The following GPC6 variants were observed in gnomAD, a reference collection of about 807,000 sequenced individuals.
GPC6 encodes the protein glypican-6.
Under a neutral mutation model 55.2 loss-of-function variants are expected in GPC6, and 14 were observed. The ratio of observed to expected loss-of-function variants is 0.25; its 90% CI spans 0.17 to 0.40. The LOEUF (loss-of-function observed/expected upper bound fraction) is 0.40, where lower values mean the gene tolerates loss of function less well. Among genes scored for constraint, GPC6 ranks in the 10% least tolerant of loss-of-function variants. The pLI is 1.00. For missense variants in GPC6, 641 were observed against 708.5 expected (o/e 0.90, Z 1.08); for synonymous variants, 278 against 259.6 (o/e 1.07, Z -0.68).
At chr13:94,064,755 A>G (rs1055042672) in intron 4 of GPC6, among the ~76,000 whole-genome samples, 11 of 152,130 alleles carry the variant, frequency 7.2e-5, no homozygotes, top group African/African-American at 2.2e-4. Flanking sequence ...CAGCATATGC[A>G]TCTTGCAAGA....
intron 4 of GPC6, among the ~76,000 whole-genome samples, chr13:94,058,450 G>T (rs1884208060): frequency 6.6e-6 from 1 of 152,096 alleles, no homozygotes; most frequent in Admixed American, 6.6e-5. Context: ...AGCTAATTTG[G>T]CTGTTAAGCA....
chr13:93,676,744 G>C (rs1881648583), intron 2 of GPC6, among the ~76,000 whole-genome samples: 1 of 152,156 alleles, frequency 6.6e-6, no homozygotes, highest in Non-Finnish European at 1.5e-5. Context: ...CCTGCTCTCT[G>C]AATTTGGCTC....
chr13:93,825,459 G>A (rs755990942), intron 2 of GPC6, among the ~76,000 whole-genome samples: 9 of 152,172 alleles, frequency 5.9e-5, no homozygotes, highest in Non-Finnish European at 8.8e-5. Flanking sequence ...CAGACGTCCT[G>A]AGCAATGTCC....
chr13:93,877,269 A>G (rs1874646039), intron 3 of GPC6, among the ~76,000 whole-genome samples: 1 of 152,012 alleles, frequency 6.6e-6, no homozygotes, highest in Non-Finnish European at 1.5e-5. Flanking sequence ...CCCTTATAAC[A>G]TGATCTGATG....
intron 3 of GPC6, among the ~76,000 whole-genome samples, chr13:93,872,210 A>G (rs17174735): frequency 0.035 from 5,262 of 152,024 alleles, 269 homozygotes; most frequent in East Asian, 0.17. Flanking sequence ...TGATAACAGA[A>G]TGCCATTTGG....
chr13:93,824,123 T>G (rs1383794443), intron 2 of GPC6, among the ~76,000 whole-genome samples: 1 of 152,178 alleles, frequency 6.6e-6, no homozygotes, highest in Non-Finnish European at 1.5e-5. Context: ...AAAATGCAAG[T>G]GATGTTTAAG....
intron 2 of GPC6, among the ~76,000 whole-genome samples, chr13:93,804,071 G>GTA (rs1298854705): frequency 6.6e-6 from 1 of 152,072 alleles, no homozygotes; most frequent in African/African-American, 2.4e-5. Flanking sequence ...TGGATGAATT[G>GTA]TATGGAAGTA....
chr13:93,713,375 A>G (rs1883138965), intron 2 of GPC6, among the ~76,000 whole-genome samples: 1 of 151,698 alleles, frequency 6.6e-6, no homozygotes, highest in Non-Finnish European at 1.5e-5. Flanking sequence ...GTTCTTTTAA[A>G]AAGCCAATAA....
At chr13:94,374,537 A>G (rs1879744723) in intron 6 of GPC6, among the ~76,000 whole-genome samples, 1 of 139,706 alleles carries the variant, frequency 7.2e-6, no homozygotes. Context: ...TGCACCCAAT[A>G]CAGGAGCACC....
At chr13:93,954,641 CAG>C (rs1879414397) in intron 3 of GPC6, among the ~76,000 whole-genome samples, 1 of 152,172 alleles carries the variant, frequency 6.6e-6, no homozygotes, top group South Asian at 2.1e-4. Flanking sequence ...ATAGAGCACA[CAG>C]AGAAGCATGT....
chr13:93,251,690 A>G (rs1488719878), intron 1 of GPC6, among the ~76,000 whole-genome samples: 1 of 152,078 alleles, frequency 6.6e-6, no homozygotes, highest in Non-Finnish European at 1.5e-5. Context: ...CCTTTTCCCC[A>G]TTCCTTCATG....
At chr13:93,456,923 C>T (rs1370232474) in intron 1 of GPC6, among the ~76,000 whole-genome samples, 2 of 152,110 alleles carry the variant, frequency 1.3e-5, no homozygotes, top group Non-Finnish European at 2.9e-5. Flanking sequence ...AGGGTGGGAT[C>T]AGGTGGAAAT....
At chr13:94,209,358 G>T (rs1010509619) in intron 4 of GPC6, among the ~76,000 whole-genome samples, 2 of 152,146 alleles carry the variant, frequency 1.3e-5, no homozygotes. Context: ...GCTATTTGTG[G>T]AAGAGCTTAT....
At chr13:93,424,385 T>G (rs1253828341) in intron 1 of GPC6, among the ~76,000 whole-genome samples, 2 of 152,104 alleles carry the variant, frequency 1.3e-5, no homozygotes, top group African/African-American at 4.8e-5. Flanking sequence ...TAAGGTTGGA[T>G]CCCGGAGAGA....
At chr13:93,314,712 GGTGTGT>G (rs370613459) in intron 1 of GPC6, among the ~76,000 whole-genome samples, 18,496 of 147,578 alleles carry the variant, frequency 0.13, 1,284 homozygotes, top group East Asian at 0.24. Flanking sequence ...AACAAGGAGG[GGTGTGT>G]GTGTGTGTGT....
At chr13:93,684,403 G>C (rs2138770602) in intron 2 of GPC6, among the ~76,000 whole-genome samples, 1 of 152,238 alleles carries the variant, frequency 6.6e-6, no homozygotes, top group Non-Finnish European at 1.5e-5. Context: ...GGCCAGGCTG[G>C]CCTCGAACTC....
At chr13:93,650,698 T>C in intron 2 of GPC6, among the ~76,000 whole-genome samples, 1 of 152,178 alleles carries the variant, frequency 6.6e-6, no homozygotes, top group East Asian at 1.9e-4. Flanking sequence ...AAAGGCCACA[T>C]AAGCTTATTG....
chr13:93,711,434 C>A (rs372748600), intron 2 of GPC6, among the ~76,000 whole-genome samples: 20 of 151,866 alleles, frequency 1.3e-4, no homozygotes, highest in Non-Finnish European at 2.8e-4. Context: ...CCCTCCCTCA[C>A]AGGACACGTG....
chr13:94,328,411 G>A (rs1319163092), intron 6 of GPC6, among the ~76,000 whole-genome samples: 1 of 152,214 alleles, frequency 6.6e-6, no homozygotes, highest in Non-Finnish European at 1.5e-5. Context: ...CTACATGGAA[G>A]GATTCACCCT....
Sources: allele counts gnomAD v4.1 joint callset (sites outside exome capture counted in the v4.1 genomes callset), GRCh38; gene constraint gnomAD v4.1.1; transcripts MANE v1.5; gene names NCBI Gene and HGNC (gene_info 2026-07-23, HGNC 2026-07-21).